Variants in PBRM1 observed in about 807,000 individuals in gnomAD.
The protein encoded by PBRM1 is polybromo 1.
In PBRM1, 27 loss-of-function variants were observed where a neutral mutation model predicts 194.5. The observed-to-expected ratio is 0.14, with a 90% CI of 0.10 to 0.19. The LOEUF is 0.19. Ranked by LOEUF, PBRM1 falls within the 10% of genes least tolerant of loss-of-function variation. PBRM1 has a pLI of 1.00. For missense variants in PBRM1, 1,466 were observed against 2,077.2 expected, an observed-to-expected ratio of 0.71 and a Z score of 5.72; for synonymous variants, 655 against 693.2, an observed-to-expected ratio of 0.94 and a Z score of 0.87.
chr3:52,643,294 T>C (rs1276712891), exon 9 of PBRM1: 1 of 1,613,880 alleles, frequency 6.2e-7, no homozygotes, highest in Admixed American at 1.7e-5. Flanking sequence ...AGGCTGCCTT[T>C]ACTGTGTGAA....
chr3:52,622,757 A>G (rs773820264), intron 13 of PBRM1, among the ~76,000 whole-genome samples: 1 of 152,218 alleles, frequency 6.6e-6, no homozygotes, highest in Non-Finnish European at 1.5e-5. Flanking sequence ...TTAATGTTTC[A>G]TGCCACAATG....
At chr3:52,559,696 T>C (rs1304147954) in intron 25 of PBRM1, among the ~76,000 whole-genome samples, 1 of 152,094 alleles carries the variant, frequency 6.6e-6, no homozygotes, top group Admixed American at 6.6e-5. Context: ...TTTAAGAATA[T>C]GAAAGTCAAG....
chr3:52,599,521 T>G (rs941046346), intron 17 of PBRM1, among the ~76,000 whole-genome samples: 1 of 151,832 alleles, frequency 6.6e-6, no homozygotes, highest in African/African-American at 2.4e-5. Context: ...TAAAAAAATT[T>G]TTACTGTTGG....
intron 13 of PBRM1, among the ~76,000 whole-genome samples, chr3:52,624,138 A>C (rs1350516947): frequency 6.6e-6 from 1 of 152,228 alleles, no homozygotes; most frequent in Non-Finnish European, 1.5e-5. Flanking sequence ...ACAACTGCTT[A>C]GTAGTGTACC....
intron 4 of PBRM1, among the ~76,000 whole-genome samples, chr3:52,661,151 G>C (rs1267979538): frequency 6.6e-6 from 1 of 152,056 alleles, no homozygotes; most frequent in Non-Finnish European, 1.5e-5. Flanking sequence ...TCAGCCTCCA[G>C]AGTAGCTGGG....
chr3:52,551,847 A>C (rs1178540177), intron 27 of PBRM1: 2 of 152,146 alleles, frequency 1.3e-5, no homozygotes, highest in Non-Finnish European at 2.9e-5. Flanking sequence ...CCTCATTCTA[A>C]AGTTCAGAAC....
At chr3:52,631,572 A>C (rs965656927) in intron 11 of PBRM1, among the ~76,000 whole-genome samples, 8 of 152,142 alleles carry the variant, frequency 5.3e-5, no homozygotes, top group Admixed American at 5.2e-4. Context: ...TCTGTTACCC[A>C]GGCTGGAGTG....
intron 5 of PBRM1, among the ~76,000 whole-genome samples, chr3:52,657,635 A>G (rs564025303): frequency 6.6e-6 from 1 of 152,020 alleles, no homozygotes; most frequent in African/African-American, 2.4e-5. Context: ...ACACCAGGGT[A>G]GATTTTATAC....
At chr3:52,594,662 T>G (rs976704068) in intron 17 of PBRM1, among the ~76,000 whole-genome samples, 1 of 152,204 alleles carries the variant, frequency 6.6e-6, no homozygotes, top group African/African-American at 2.4e-5. Flanking sequence ...GTTTGTGTTG[T>G]GTCATTGGTC....
intron 6 of PBRM1, among the ~76,000 whole-genome samples, chr3:52,650,918 C>G (rs1389546592): frequency 1.3e-5 from 2 of 152,140 alleles, no homozygotes; most frequent in African/African-American, 2.4e-5. Flanking sequence ...ATCCTAGTCA[C>G]TCAGTCACAC....
intron 22 of PBRM1, among the ~76,000 whole-genome samples, chr3:52,569,456 C>A (rs191239771): frequency 4.3e-4 from 66 of 152,248 alleles, no homozygotes; most frequent in African/African-American, 1.4e-3. Flanking sequence ...GTGATCCGCC[C>A]GCCTTGGCTT....
At chr3:52,589,775 T>C (rs775221702) in intron 17 of PBRM1, among the ~76,000 whole-genome samples, 4 of 152,154 alleles carry the variant, frequency 2.6e-5, no homozygotes, top group African/African-American at 4.8e-5. Context: ...ATACTTAATA[T>C]ATCAAGAACA....
intron 21 of PBRM1, among the ~76,000 whole-genome samples, chr3:52,578,558 C>A (rs905468222): frequency 6.6e-6 from 1 of 152,226 alleles, no homozygotes; most frequent in Non-Finnish European, 1.5e-5. Flanking sequence ...ACCATACTGT[C>A]ATCCTTTTGT....
intron 3 of PBRM1, among the ~76,000 whole-genome samples, chr3:52,664,936 C>T (rs373269263): frequency 6.6e-6 from 1 of 152,198 alleles, no homozygotes; most frequent in South Asian, 2.1e-4. Context: ...TGAAGCATTA[C>T]TACTCGCAAA....
chr3:52,560,097 G>A (rs1164850949), intron 25 of PBRM1, among the ~76,000 whole-genome samples: 1 of 152,108 alleles, frequency 6.6e-6, no homozygotes, highest in Non-Finnish European at 1.5e-5. Flanking sequence ...CCCCTCACTA[G>A]GTTCTCACTC....
At chr3:52,683,710 C>G (rs1214703213), upstream of PBRM1, among the ~76,000 whole-genome samples, 1 of 130,824 alleles carries the variant, frequency 7.6e-6, no homozygotes, top group Non-Finnish European at 1.6e-5. Flanking sequence ...CCCAGGCACT[C>G]GAGAGGGTGA....
intron 25 of PBRM1, 53 bp downstream of exon 27, chr3:52,561,714 T>C (rs1190412674): frequency 2.9e-5 from 44 of 1,496,374 alleles, no homozygotes; most frequent in Non-Finnish European, 3.8e-5. Flanking sequence ...TGCGCGTGCA[T>C]TCCTGAAACA....
At chr3:52,617,885 G>A (rs1296352555) in intron 13 of PBRM1, among the ~76,000 whole-genome samples, 1 of 152,148 alleles carries the variant, frequency 6.6e-6, no homozygotes, top group African/African-American at 2.4e-5. Flanking sequence ...TTAAAGATGA[G>A]TACAGCCAAA....
chr3:52,548,688 A>G (rs1448571427), intron 29 of PBRM1, among the ~76,000 whole-genome samples: 2 of 152,180 alleles, frequency 1.3e-5, no homozygotes, highest in Non-Finnish European at 2.9e-5. Flanking sequence ...GGCCTCCCAA[A>G]GTGCTGGGAT....
Sources: allele counts gnomAD v4.1 joint callset (sites outside exome capture counted in the v4.1 genomes callset), GRCh38; gene constraint gnomAD v4.1.1; transcripts MANE v1.5; gene names NCBI Gene and HGNC (gene_info 2026-07-23, HGNC 2026-07-21).